The following LEF1 variants were observed in gnomAD, a reference collection of about 807,000 sequenced individuals.
The protein encoded by LEF1 is lymphoid enhancer-binding factor 1.
In LEF1, 14 loss-of-function variants were observed where a neutral mutation model predicts 51.2. The ratio of observed to expected loss-of-function variants is 0.27; its 90% CI spans 0.18 to 0.43. The LOEUF is 0.43. Ranked by LOEUF, LEF1 falls within the 20% of genes least tolerant of loss-of-function variation. The probability of loss-of-function intolerance (pLI) is 1.00; values close to 1 mark genes in which losing one functional copy is unlikely to be tolerated. For missense variants in LEF1, 386 were observed against 512.0 expected (o/e 0.75, Z 2.37); for synonymous variants, 185 against 183.2 (o/e 1.01, Z -0.08).
At chr4:108,157,185 CACACACA>C (rs1744779533) in intron 3 of LEF1, among the ~76,000 whole-genome samples, 1 of 145,114 alleles carries the variant, frequency 6.9e-6, no homozygotes, top group African/African-American at 2.6e-5. Context: ...TATATACACA[CACACACA>C]CACACACACA....
chr4:108,077,812 C>A (rs4956154), intron 8 of LEF1, among the ~76,000 whole-genome samples: 109,578 of 151,248 alleles, frequency 0.72, 43,001 homozygotes, highest in East Asian at 0.96. Context: ...TGTGTGTGAT[C>A]TTCCTGCCCT....
At chr4:108,079,123 A>G (rs1213771636) in intron 7 of LEF1, among the ~76,000 whole-genome samples, 1 of 152,238 alleles carries the variant, frequency 6.6e-6, no homozygotes, top group Non-Finnish European at 1.5e-5. Context: ...AAGAAAGTGC[A>G]TTAAACCCTC....
intron 8 of LEF1, 96 bp from the exon 9 acceptor site, chr4:108,070,866 T>C (rs1738433917): frequency 1.2e-6 from 1 of 844,312 alleles, no homozygotes; most frequent in Non-Finnish European, 1.9e-6. Context: ...ATATTAAGCA[T>C]TTAAACTTTG....
intron 11 of LEF1, among the ~76,000 whole-genome samples, chr4:108,063,324 G>A (rs763334842): frequency 6.6e-6 from 1 of 152,014 alleles, no homozygotes; most frequent in Non-Finnish European, 1.5e-5. Context: ...TTTTTAAGCA[G>A]GCCGATTTGC....
rs1451311530 is a variant in LEF1 at position 108,048,035 on chromosome 4, C to T, written c.*723G>A. The T allele has an allele frequency of 6.6e-6, 1 of 152,558 alleles. No individual in the cohort carries two copies. Among genetic ancestry groups the T allele is most frequent in the African/African-American group, 2.4e-5 (1 of 41,404 alleles). The allele number at this position is 152,558 out of a possible 1,614,324, so 9.5% of individuals were successfully genotyped here. A position where few individuals can be genotyped will look rare whatever the true frequency, so the allele number is the denominator to read the frequency against. ...TTACAGGCAATTCACAGAGAAGCCA[C>T]TTACCAGACAAGCTGTCTCAGAAAA... On this transcript the variant is annotated 3_prime_UTR_variant, in exon 12 of 12. Transcript: ENST00000265165.
At chr4:108,142,735 A>G (rs1268535907) in intron 3 of LEF1, among the ~76,000 whole-genome samples, 2 of 152,200 alleles carry the variant, frequency 1.3e-5, no homozygotes, top group Non-Finnish European at 2.9e-5. Context: ...CTAATTTTTA[A>G]TTGCTGCCTT....
chr4:108,105,369 C>T (rs557861355), intron 3 of LEF1, among the ~76,000 whole-genome samples: 29 of 151,920 alleles, frequency 1.9e-4, no homozygotes, highest in Admixed American at 1.6e-3. Context: ...TTAGTAGAGA[C>T]GGAGTTTCAC....
chr4:108,091,520 CTATTT>C (rs1179436139), intron 3 of LEF1, among the ~76,000 whole-genome samples: 1 of 151,764 alleles, frequency 6.6e-6, no homozygotes, highest in Non-Finnish European at 1.5e-5. Context: ...TAGATTTTCC[CTATTT>C]TATAATTATC....
intron 3 of LEF1, among the ~76,000 whole-genome samples, chr4:108,121,638 C>T (rs1367569699): frequency 6.6e-6 from 1 of 152,158 alleles, no homozygotes; most frequent in Non-Finnish European, 1.5e-5. Flanking sequence ...AAAACTCACA[C>T]CTAACAATGT....
At chr4:108,094,594 A>T (rs536852644) in intron 3 of LEF1, among the ~76,000 whole-genome samples, 1 of 152,222 alleles carries the variant, frequency 6.6e-6, no homozygotes, top group Non-Finnish European at 1.5e-5. Flanking sequence ...TCCTGGATAG[A>T]GGAGTAACTG....
Position 108,166,362 on chromosome 4 carries a change from T to G in LEF1, c.213+1193A>C, listed in dbSNP as rs1745394444. On this transcript the variant is annotated intron_variant, in intron 1 of 11. Transcript: ENST00000265165. Reference sequence around the variant, plus strand: ...TGTCCCCGCCCTCAAAACCACACACTTTCTTTTTGGGGGTAGAAAGATGCC... The same window carrying G: ...TGTCCCCGCCCTCAAAACCACACACGTTCTTTTTGGGGGTAGAAAGATGCC... 4 of 1,496,994 alleles carry G rather than the reference T, an allele frequency of 2.7e-6. No individual in the cohort carries two copies. The East Asian group carries it at 1.0e-4, about 38-fold the overall frequency. 92.7% of individuals were successfully genotyped at this position (1,496,994 alleles called of 1,614,324 possible).
intron 10 of LEF1, among the ~76,000 whole-genome samples, 154 bp from the exon 11 acceptor site, chr4:108,063,817 T>C (rs1159964732): frequency 6.6e-6 from 1 of 152,242 alleles, no homozygotes; most frequent in Non-Finnish European, 1.5e-5. Context: ...GTAGTGGCCT[T>C]ATTTTTAATG....
chr4:108,076,093 G>GTCTACCTCTCCCCATTCGTC (rs1738839913), intron 8 of LEF1, among the ~76,000 whole-genome samples: 1 of 152,132 alleles, frequency 6.6e-6, no homozygotes, highest in Admixed American at 6.5e-5. Flanking sequence ...ATGTGGGGGA[G>GTCTACCTCTCCCCATTCGTC]TCTACCTCTC....
intron 5 of LEF1, 93 bp from the exon 6 acceptor site, chr4:108,081,762 C>A: frequency 1.2e-6 from 1 of 861,968 alleles, no homozygotes; most frequent in South Asian, 1.5e-5. Flanking sequence ...GGGAGATATT[C>A]AAACAGAATC....
chr4:108,077,594 G>A (rs1368612510), intron 8 of LEF1, among the ~76,000 whole-genome samples: 21 of 81,892 alleles, frequency 2.6e-4, no homozygotes, highest in African/African-American at 8.8e-4. Context: ...AGTGAGGGGC[G>A]CCTCTGCCCG....
At chr4:108,165,363 T>C in intron 1 of LEF1, 200 bp from the exon 2 acceptor site, 1 of 527,210 alleles carries the variant, frequency 1.9e-6, no homozygotes. Flanking sequence ...GTGATTATTA[T>C]CCACCCGGGA....
chr4:108,149,944 A>T, intron 3 of LEF1, among the ~76,000 whole-genome samples: 1 of 150,792 alleles, frequency 6.6e-6, no homozygotes, highest in Non-Finnish European at 1.5e-5. Context: ...GTTTTTATAT[A>T]TTACTGTTAA....
intron 11 of LEF1, among the ~76,000 whole-genome samples, chr4:108,060,348 C>T (rs1031479694): frequency 7.2e-5 from 11 of 152,146 alleles, no homozygotes; most frequent in Non-Finnish European, 1.2e-4. Flanking sequence ...GTGCAGACCA[C>T]ACAAAAGCAA....
At chr4:108,148,105 A>G (rs936636291) in intron 3 of LEF1, among the ~76,000 whole-genome samples, 4 of 152,234 alleles carry the variant, frequency 2.6e-5, no homozygotes, top group African/African-American at 7.2e-5. Context: ...CAGTACCAAC[A>G]GCATAAAACA....
Sources: gnomAD v4.1 joint callset for allele counts (sites outside exome capture counted in the v4.1 genomes callset) on GRCh38, gnomAD v4.1.1 for gene constraint, MANE v1.5 for transcripts, NCBI Gene and HGNC (gene_info 2026-07-23, HGNC 2026-07-21) for gene names.